The following PTPRD variants were observed in gnomAD, a reference collection of about 807,000 sequenced individuals.
The protein encoded by PTPRD is protein tyrosine phosphatase receptor type D.
In PTPRD, 34 loss-of-function variants were observed where a neutral mutation model predicts 214.5. That is an observed-to-expected ratio of 0.16 (90% confidence interval 0.12 to 0.21). The LOEUF is 0.21. PTPRD is among the 10% of genes least tolerant of loss of function. PTPRD has a pLI of 1.00. For missense variants in PTPRD, 2,545 were observed against 2,398.7 expected (o/e 1.06, Z -1.27); for synonymous variants, 1,128 against 845.7 (o/e 1.33, Z -5.79).
At chr9:9,646,102 C>T (rs2096153433) in intron 7 of PTPRD, among the ~76,000 whole-genome samples, 1 of 152,168 alleles carries the variant, frequency 6.6e-6, no homozygotes, top group Non-Finnish European at 1.5e-5. Flanking sequence ...TAGCAAGATG[C>T]TTTCCATCTA....
At chr9:9,920,848 C>T (rs574903579) in intron 5 of PTPRD, among the ~76,000 whole-genome samples, 1 of 152,210 alleles carries the variant, frequency 6.6e-6, no homozygotes, top group South Asian at 2.1e-4. Context: ...CCCACTCCGG[C>T]TTCCATCTAT....
chr9:9,191,697 G>A (rs1007906517), intron 9 of PTPRD, among the ~76,000 whole-genome samples: 11 of 151,980 alleles, frequency 7.2e-5, no homozygotes, highest in Non-Finnish European at 1.6e-4. Context: ...GAAATATGGT[G>A]CACTATGTGA....
chr9:9,760,207 A>G (rs2098639804), intron 6 of PTPRD, among the ~76,000 whole-genome samples: 1 of 152,148 alleles, frequency 6.6e-6, no homozygotes, highest in South Asian at 2.1e-4. Context: ...TATGCCACAT[A>G]TCAAAAATAC....
chr9:9,182,287 A>G (rs370374739), intron 10 of PTPRD, among the ~76,000 whole-genome samples: 1 of 152,064 alleles, frequency 6.6e-6, no homozygotes, highest in East Asian at 1.9e-4. Flanking sequence ...TCTTAGAGTC[A>G]TAAGATACAT....
intron 11 of PTPRD, among the ~76,000 whole-genome samples, chr9:8,856,576 G>C (rs2154544369): frequency 6.6e-6 from 1 of 152,312 alleles, no homozygotes; most frequent in East Asian, 1.9e-4. Context: ...AATACAAGGA[G>C]AACGAGCCCT....
intron 11 of PTPRD, among the ~76,000 whole-genome samples, chr9:8,868,119 TA>T (rs2098231001): frequency 6.6e-6 from 1 of 152,222 alleles, no homozygotes; most frequent in African/African-American, 2.4e-5. Context: ...TACCACCTTT[TA>T]AAACATATGT....
intron 31 of PTPRD, among the ~76,000 whole-genome samples, chr9:8,467,856 T>C (rs965888537): frequency 2.0e-5 from 3 of 151,966 alleles, no homozygotes; most frequent in Admixed American, 6.6e-5. Flanking sequence ...ATTGTTGATA[T>C]GTAGTTAAGG....
intron 5 of PTPRD, among the ~76,000 whole-genome samples, chr9:9,822,175 G>C (rs191244289): frequency 6.6e-6 from 1 of 150,560 alleles, no homozygotes; most frequent in African/African-American, 2.4e-5. Flanking sequence ...CACTTTGGGA[G>C]GCTGAGGTGG....
intron 45 of PTPRD, 43 bp downstream of exon 45, chr9:8,319,788 A>C: frequency 1.2e-6 from 2 of 1,609,644 alleles, no homozygotes; most frequent in Non-Finnish European, 1.7e-6. Flanking sequence ...GGCTAGCAAA[A>C]CGTAGGCTCT....
intron 5 of PTPRD, among the ~76,000 whole-genome samples, chr9:9,784,666 T>C (rs904750879): frequency 1.3e-5 from 2 of 151,902 alleles, no homozygotes; most frequent in African/African-American, 4.8e-5. Context: ...AATTACAAAG[T>C]ATTTGTTCAT....
intron 5 of PTPRD, among the ~76,000 whole-genome samples, chr9:9,861,176 T>C (rs1292059630): frequency 6.6e-6 from 1 of 152,192 alleles, no homozygotes; most frequent in Non-Finnish European, 1.5e-5. Context: ...ATCACATGAG[T>C]GTATTGGGAG....
chr9:10,023,601 G>A (rs1041753969), intron 4 of PTPRD, among the ~76,000 whole-genome samples: 5 of 149,014 alleles, frequency 3.4e-5, no homozygotes, highest in African/African-American at 1.2e-4. Context: ...CATTTTATTT[G>A]CCAGAACTTA....
At chr9:10,016,259 C>T (rs886819039) in intron 4 of PTPRD, among the ~76,000 whole-genome samples, 16 of 152,012 alleles carry the variant, frequency 1.1e-4, no homozygotes, top group African/African-American at 3.1e-4. Context: ...TTTTAAAATA[C>T]ACTTGTTTAT....
intron 7 of PTPRD, among the ~76,000 whole-genome samples, chr9:9,655,940 C>T (rs181642506): frequency 1.0e-3 from 152 of 152,044 alleles, no homozygotes; most frequent in African/African-American, 3.4e-3. Flanking sequence ...ATTGCACCAT[C>T]GCTCTCCAGC....
chr9:9,119,182 T>C (rs1377889473), intron 10 of PTPRD, among the ~76,000 whole-genome samples: 1 of 152,236 alleles, frequency 6.6e-6, no homozygotes, highest in Non-Finnish European at 1.5e-5. Flanking sequence ...GAGTTTATCT[T>C]ATTATGACTC....
intron 36 of PTPRD, among the ~76,000 whole-genome samples, chr9:8,402,696 A>T (rs1220851229): frequency 1.3e-5 from 2 of 151,764 alleles, no homozygotes; most frequent in Non-Finnish European, 2.9e-5. Flanking sequence ...CCCCACAAAA[A>T]AACCTGTATT....
At chr9:10,516,105 A>G (rs1359549852) in intron 2 of PTPRD, among the ~76,000 whole-genome samples, 1 of 151,930 alleles carries the variant, frequency 6.6e-6, no homozygotes, top group East Asian at 1.9e-4. Context: ...AATAGGATTG[A>G]TGGGTCATAT....
At chr9:9,337,862 A>T (rs943791150) in intron 9 of PTPRD, among the ~76,000 whole-genome samples, 1 of 152,132 alleles carries the variant, frequency 6.6e-6, no homozygotes, top group African/African-American at 2.4e-5. Context: ...TTGTGCTTCT[A>T]CCCCAGCAGG....
intron 2 of PTPRD, among the ~76,000 whole-genome samples, chr9:10,343,663 G>T (rs1446965661): frequency 6.6e-6 from 1 of 152,056 alleles, no homozygotes; most frequent in Non-Finnish European, 1.5e-5. Context: ...TTTAGTGATT[G>T]CCATTCTAAC....
Sources: allele counts gnomAD v4.1 joint callset (sites outside exome capture counted in the v4.1 genomes callset), GRCh38; gene constraint gnomAD v4.1.1; transcripts MANE v1.5; gene names NCBI Gene and HGNC (gene_info 2026-07-23, HGNC 2026-07-21).